FANCM: variants seen among roughly 807,000 people sequenced by gnomAD.
The protein encoded by FANCM is FA complementation group M.
FANCM carries 140 observed loss-of-function variants against 199.5 expected under a neutral mutation model. That is an observed-to-expected ratio of 0.70 (90% CI 0.61 to 0.81). The LOEUF is 0.81. Among genes scored for constraint, FANCM ranks in the 30% least tolerant of loss-of-function variants. FANCM has a pLI of 0.00. For synonymous variants in FANCM, 840 were observed against 836.8 expected, an observed-to-expected ratio of 1.00 and a Z score of -0.07; for missense variants, 2,410 against 2,421.4, an observed-to-expected ratio of 1.00 and a Z score of 0.10.
Position 45,175,721 on chromosome 14 carries a change from T to C in FANCM, c.2967T>C (p.Asn989=), listed in dbSNP as rs989812343. ...CATTGACAAAAGAGGTACTAGCTAA[T>C]GTAGAGAGATTTTTATCTTATTCTC... is the stretch of plus-strand genomic sequence containing the variant. ...CHSLTKEVLA[N]VERFLSYSPP... Residue 989 remains asparagine (N), a synonymous_variant, in exon 14 of 23, where the codon AAT becomes AAC. Transcript: ENST00000267430. 1 of 1,613,758 alleles carries C rather than the reference T, an allele frequency of 6.2e-7. No individual in the cohort carries two copies. Among genetic ancestry groups the C allele is most frequent in the Admixed American group, 1.7e-5 (1 of 60,012 alleles).
At chr14:45,174,458 A>G (rs1888536670) in intron 13 of FANCM, among the ~76,000 whole-genome samples, 1 of 152,070 alleles carries the variant, frequency 6.6e-6, no homozygotes, top group East Asian at 1.9e-4. Flanking sequence ...TCCTGATTAA[A>G]GTAGCATTCT....
At chr14:45,151,356 C>T in intron 4 of FANCM, 41 bp from the exon 5 acceptor site, 1 of 1,592,338 alleles carries the variant, frequency 6.3e-7, no homozygotes, top group Non-Finnish European at 8.6e-7. Flanking sequence ...TGAAAAAGGA[C>T]TTTAGAGCAA....
In FANCM at chr14:45,175,827, T is replaced by C; in HGVS notation, c.3073T>C (p.Cys1025Arg). ...ACTTGAGAATTTGCTTTTCTTACCCTGTGCAGAGCATTTACGAAGTGATAA... is the reference window on the plus strand; with the variant it reads ...ACTTGAGAATTTGCTTTTCTTACCCCGTGCAGAGCATTTACGAAGTGATAA... ...TALENLLFLP[C>R]AEHLRSDKCT... Residue 1025 changes from cysteine to arginine, a missense_variant, in exon 14 of 23, where the codon TGT becomes CGT. Cys to Arg is a radical substitution (Grantham distance 180). Transcript: ENST00000267430. 1 of 1,614,002 alleles carries C rather than the reference T, an allele frequency of 6.2e-7. No homozygotes were observed. The highest frequency in any genetic ancestry group is 8.5e-7 in the Non-Finnish European group (1 of 1,179,962).
chr14:45,189,705 A>G (rs1889645187), intron 20 of FANCM, among the ~76,000 whole-genome samples: 1 of 152,188 alleles, frequency 6.6e-6, no homozygotes, highest in South Asian at 2.1e-4. Context: ...GCGGTGGCTC[A>G]TGCCTGTAAT....
In FANCM at chr14:45,170,724, T is replaced by C; in HGVS notation, c.2138T>C (p.Leu713Ser). 5.0e-6 allele frequency: 8 copies of C among 1,612,058 alleles called. No homozygotes were observed. The highest frequency in any genetic ancestry group is 6.8e-6 in the Non-Finnish European group (8 of 1,178,406). ...ITLPQVQFSS[L>S]QNEENKPAQE... ...TTGCCTCAAGTTCAGTTTTCTTCTT[T>C]ACAAAATGAGGAAAACAAACCAGTA... Residue 713 changes from leucine (L) to serine (S), a missense_variant, in exon 12 of 23, where the codon TTA becomes TCA. By Grantham distance (145) the Leu-to-Ser change is moderately radical. Coordinates refer to ENST00000267430, the MANE Select transcript of FANCM (RefSeq NM_020937.4).
intron 20 of FANCM, among the ~76,000 whole-genome samples, chr14:45,195,006 C>T (rs1201695541): frequency 6.6e-6 from 1 of 152,080 alleles, no homozygotes; most frequent in African/African-American, 2.4e-5. Context: ...GCCTCAGCCA[C>T]CCAAAGTGCT....
At chr14:45,147,558 C>T (rs1886494127) in intron 3 of FANCM, among the ~76,000 whole-genome samples, 2 of 152,058 alleles carry the variant, frequency 1.3e-5, no homozygotes, top group South Asian at 4.1e-4. Context: ...CCTGGGATTA[C>T]ACCCTTAGGC....
At chr14:45,183,573 A>G in intron 16 of FANCM, among the ~76,000 whole-genome samples, 1 of 152,294 alleles carries the variant, frequency 6.6e-6, no homozygotes, top group Non-Finnish European at 1.5e-5. Context: ...TATTGGATGA[A>G]TACCTATACT....
At chr14:45,193,169 A>G (rs1397940155) in intron 20 of FANCM, among the ~76,000 whole-genome samples, 16 of 152,202 alleles carry the variant, frequency 1.1e-4, no homozygotes, top group Admixed American at 1.0e-3. Context: ...GCTTAGGTGA[A>G]GACCACAGAT....
chr14:45,157,373 G>C (rs763433848), intron 8 of FANCM, among the ~76,000 whole-genome samples: 35 of 152,308 alleles, frequency 2.3e-4, no homozygotes, highest in Non-Finnish European at 4.6e-4. Context: ...GAGATATACA[G>C]AGGAGGGTCC....
intron 4 of FANCM, among the ~76,000 whole-genome samples, chr14:45,149,712 C>T (rs1245921686): frequency 6.6e-6 from 1 of 152,086 alleles, no homozygotes; most frequent in Non-Finnish European, 1.5e-5. Context: ...CACTGTTGTC[C>T]TCCCTGATCT....
chr14:45,169,494 T>C (rs549589876), intron 11 of FANCM, among the ~76,000 whole-genome samples: 1 of 152,128 alleles, frequency 6.6e-6, no homozygotes, highest in Admixed American at 6.6e-5. Context: ...CCTCAACTCC[T>C]GGGCTTAAGA....
chr14:45,141,477 C>T (rs981819630), intron 3 of FANCM, among the ~76,000 whole-genome samples: 1 of 127,150 alleles, frequency 7.9e-6, no homozygotes, highest in Non-Finnish European at 1.6e-5. Flanking sequence ...CCCTCCCCTC[C>T]CCTCCCCTCC....
chr14:45,141,504 T>C (rs1254055944), intron 3 of FANCM, among the ~76,000 whole-genome samples: 1 of 104,870 alleles, frequency 9.5e-6, no homozygotes, highest in Non-Finnish European at 1.8e-5. Flanking sequence ...TCCTCTGTTC[T>C]CCTCCCCCTC....
chr14:45,170,391 G>T, intron 11 of FANCM, among the ~76,000 whole-genome samples, 198 bp from the exon 12 acceptor site: 1 of 152,138 alleles, frequency 6.6e-6, no homozygotes. Flanking sequence ...GATGGGCCTG[G>T]TGGCATGAGC....
At chr14:45,168,133 T>C (rs1463661702) in intron 11 of FANCM, among the ~76,000 whole-genome samples, 5 of 152,232 alleles carry the variant, frequency 3.3e-5, no homozygotes, top group Non-Finnish European at 7.4e-5. Context: ...TTTGTTCCAC[T>C]GTTGTCATAC....
intron 10 of FANCM, among the ~76,000 whole-genome samples, chr14:45,165,483 G>C (rs150267401): frequency 7.0e-4 from 106 of 152,260 alleles, no homozygotes; most frequent in African/African-American, 2.5e-3. Flanking sequence ...GGGAGGTAGA[G>C]GTTGCAGTGA....
chr14:45,165,720 T>C (rs375561918), intron 10 of FANCM, among the ~76,000 whole-genome samples: 6 of 152,192 alleles, frequency 3.9e-5, no homozygotes, highest in African/African-American at 1.4e-4. Context: ...CCGTGTAATA[T>C]CAGTGAGTGG....
chr14:45,138,477 A>G (rs1361098371), intron 2 of FANCM, among the ~76,000 whole-genome samples: 4 of 152,282 alleles, frequency 2.6e-5, no homozygotes, highest in South Asian at 4.1e-4. Context: ...ACTTATTGAT[A>G]TCATTCCAAA....
Sources: allele counts gnomAD v4.1 joint callset (sites outside exome capture counted in the v4.1 genomes callset), GRCh38; gene constraint gnomAD v4.1.1; transcripts MANE v1.5; gene names NCBI Gene and HGNC (gene_info 2026-07-23, HGNC 2026-07-21).